AMPH: variants seen among roughly 807,000 people sequenced by gnomAD.
The protein encoded by AMPH is amphiphysin.
Under a neutral mutation model 99.1 loss-of-function variants are expected in AMPH, and 49 were observed. The ratio of observed to expected loss-of-function variants is 0.49; its 90% CI spans 0.39 to 0.63. AMPH has a LOEUF of 0.63. AMPH is among the 20% of genes least tolerant of loss of function. AMPH has a pLI of 0.00. For synonymous variants in AMPH, 314 were observed against 317.3 expected, an observed-to-expected ratio of 0.99 and a Z score of 0.11; for missense variants, 759 against 863.4, an observed-to-expected ratio of 0.88 and a Z score of 1.52.
At chr7:38,426,880 G>C in intron 15 of AMPH, 74 bp downstream of exon 15, 1 of 1,437,510 alleles carries the variant, frequency 7.0e-7, no homozygotes, top group Non-Finnish European at 9.8e-7. Context: ...TAGTGGCACA[G>C]AGAACCAAAC....
chr7:38,444,570 C>A (rs538178889), intron 11 of AMPH, among the ~76,000 whole-genome samples: 7 of 152,118 alleles, frequency 4.6e-5, no homozygotes, highest in South Asian at 2.1e-4. Context: ...AGCCAAGGAA[C>A]CCCAAGGACT....
chr7:38,419,892 C>A (rs1008376365), intron 16 of AMPH, among the ~76,000 whole-genome samples: 1 of 152,014 alleles, frequency 6.6e-6, no homozygotes. Context: ...TCTTAAAATG[C>A]AAAAAATATT....
intron 1 of AMPH, among the ~76,000 whole-genome samples, chr7:38,558,794 G>A (rs1791457811): frequency 1.3e-5 from 2 of 152,302 alleles, no homozygotes; most frequent in South Asian, 4.1e-4. Flanking sequence ...GGTGACCCAG[G>A]CCAGTCAACA....
chr7:38,550,924 T>G (rs145739883), intron 1 of AMPH, among the ~76,000 whole-genome samples: 97 of 152,324 alleles, frequency 6.4e-4, no homozygotes, highest in Non-Finnish European at 1.5e-5. Flanking sequence ...GTCGTAAAAA[T>G]GTGAATTAAA....
intron 11 of AMPH, among the ~76,000 whole-genome samples, chr7:38,459,115 A>C (rs1787344746): frequency 6.6e-6 from 1 of 152,142 alleles, no homozygotes; most frequent in African/African-American, 2.4e-5. Flanking sequence ...TCAATATGGC[A>C]ATACCATTTA....
chr7:38,583,238 C>T (rs1792529898), intron 1 of AMPH, among the ~76,000 whole-genome samples: 1 of 152,218 alleles, frequency 6.6e-6, no homozygotes, highest in Non-Finnish European at 1.5e-5. Context: ...GGCTTGCCCA[C>T]TTCCTAGTTC....
At chr7:38,478,059 A>AAAACAAAC (rs146496756) in intron 5 of AMPH, among the ~76,000 whole-genome samples, 3 of 149,804 alleles carry the variant, frequency 2.0e-5, no homozygotes, top group Non-Finnish European at 4.4e-5. Flanking sequence ...GAAAGGATTT[A>AAAACAAAC]AAACAAACAA....
At chr7:38,473,862 C>T (rs1787987153) in intron 7 of AMPH, among the ~76,000 whole-genome samples, 1 of 150,104 alleles carries the variant, frequency 6.7e-6, no homozygotes, top group Admixed American at 6.6e-5. Context: ...AAATTCAAAT[C>T]ATAAATAGAT....
chr7:38,394,196 C>G lies in AMPH; in HGVS notation c.1417G>C (p.Ala473Pro). The G allele has an allele frequency of 1.2e-6, 2 of 1,614,226 alleles. No individual in the cohort carries two copies. The highest frequency in any genetic ancestry group is 1.7e-6 in the Non-Finnish European group (2 of 1,180,046). The change falls in exon 18 of 21, where the codon GCT becomes CCT. Residue 473 changes from alanine to proline, a missense_variant. Coordinates refer to ENST00000356264, the MANE Select transcript of AMPH (RefSeq NM_001635.4). ...EEAVIIPGAD[A>P]DAAVGTLVSA... ...ACCAAGGTTCCAACAGCTGCATCAG[C>G]ATCAGCTCCAGGTATGATCTGCAGG...
intron 19 of AMPH, among the ~76,000 whole-genome samples, chr7:38,391,036 T>C (rs1784479874): frequency 6.7e-6 from 1 of 149,092 alleles, no homozygotes; most frequent in Admixed American, 6.7e-5. Context: ...CATTTTACAC[T>C]TTAGAAGAAA....
chr7:38,565,748 T>C (rs112708452), intron 1 of AMPH, among the ~76,000 whole-genome samples: 1 of 152,080 alleles, frequency 6.6e-6, no homozygotes, highest in African/African-American at 2.4e-5. Flanking sequence ...CAGTGGGAGA[T>C]GAAAGCAAAG....
At chr7:38,447,765 CACACACACACACA>C (rs1786847087) in intron 11 of AMPH, among the ~76,000 whole-genome samples, 1 of 147,258 alleles carries the variant, frequency 6.8e-6, no homozygotes, top group Non-Finnish European at 1.5e-5. Flanking sequence ...CACACACACA[CACACACACACACA>C]CCCATACACA....
chr7:38,399,554 A>G (rs1333841278), intron 17 of AMPH, among the ~76,000 whole-genome samples: 1 of 152,248 alleles, frequency 6.6e-6, no homozygotes, highest in African/African-American at 2.4e-5. Flanking sequence ...ACCTCTTATT[A>G]TTATTGTTGT....
chr7:38,465,905 C>T (rs1787633881), intron 8 of AMPH, among the ~76,000 whole-genome samples: 1 of 152,058 alleles, frequency 6.6e-6, no homozygotes, highest in South Asian at 2.1e-4. Flanking sequence ...TTTCATTAGC[C>T]TAAAATACCA....
chr7:38,618,686 G>A (rs919139424), intron 1 of AMPH, among the ~76,000 whole-genome samples: 1 of 152,080 alleles, frequency 6.6e-6, no homozygotes, highest in Middle Eastern at 3.2e-3. Context: ...GACCTCTATT[G>A]TGACAAATGT....
At chr7:38,478,775 A>T (rs1213821230) in intron 5 of AMPH, among the ~76,000 whole-genome samples, 1 of 152,200 alleles carries the variant, frequency 6.6e-6, no homozygotes, top group African/African-American at 2.4e-5. Flanking sequence ...TTAATGGTCA[A>T]ATAGAAATCA....
At position 38,384,580 on chromosome 7, in the gene AMPH, A is replaced by G; in HGVS notation, c.*238T>C. ...AAGTACAAGAGTCTCCACAGCTTGG[A>G]CAAAGCACAAACAAACCTGTTATTG... is the stretch of plus-strand genomic sequence containing the variant. On this transcript the variant is annotated 3_prime_UTR_variant, in exon 21 of 21. Coordinates refer to ENST00000356264, the MANE Select transcript of AMPH (RefSeq NM_001635.4). The G allele has an allele frequency of 4.7e-6, 2 of 424,802 alleles. No homozygotes were observed. The highest frequency in any genetic ancestry group is 8.7e-6 in the Non-Finnish European group (2 of 229,240). 26.3% of individuals were successfully genotyped at this position (424,802 alleles called of 1,614,324 possible).
At position 38,491,105 on chromosome 7, in the gene AMPH, A is replaced by G; in HGVS notation, c.341T>C (p.Val114Ala). The change falls in exon 5 of 21, where the codon GTG (valine) becomes GCG (alanine). Residue 114 changes from valine (V) to alanine (A), a missense_variant. This residue lies in a region of AMPH where 205 missense variants were observed against 287.9 expected (regional missense o/e 0.71). Transcript: ENST00000356264. The stretch of plus-strand genomic sequence containing the variant: ...ATCCAGTGTTAGCAAGGACCCATCC[A>G]CGAGTTTTTGATGGAAGTCTTCCCA... ...VLWEDFHQKL[V>A]DGSLLTLDTY... 6.2e-7 allele frequency: 1 copy of G among 1,613,272 alleles called. No individual in the cohort carries two copies. Among genetic ancestry groups the G allele is most frequent in the South Asian group, 1.1e-5 (1 of 91,064 alleles).
Position 38,476,978 on chromosome 7 carries a change from AG to A in AMPH, c.397-10del. The A allele has an allele frequency of 6.2e-7, 1 of 1,612,046 alleles. No individual in the cohort carries two copies. Among genetic ancestry groups the A allele is most frequent in the Non-Finnish European group, 8.5e-7 (1 of 1,178,338 alleles). On this transcript the variant is annotated splice_polypyrimidine_tract_variant and intron_variant, in intron 5 of 20. Coordinates refer to ENST00000356264, the MANE Select transcript of AMPH (RefSeq NM_001635.4). ...CGCTTGGCGATGCGATTCTGTCAAC[AG>A]GAAATGCACTCACTAAGAAAGAAGC... is the stretch of plus-strand genomic sequence containing the variant.
Sources: allele counts gnomAD v4.1 joint callset (sites outside exome capture counted in the v4.1 genomes callset), GRCh38; gene constraint gnomAD v4.1.1; regional missense constraint gnomAD v4.1.1; transcripts MANE v1.5; gene names NCBI Gene and HGNC (gene_info 2026-07-23, HGNC 2026-07-21).